Variants in ZBTB20 observed in about 807,000 individuals in gnomAD.
The protein encoded by ZBTB20 is zinc finger and BTB domain containing 20, also known as zinc finger and BTB domain-containing protein 20.
ZBTB20 carries 9 observed loss-of-function variants against 56.9 expected under a neutral mutation model. That is an observed-to-expected ratio of 0.16 (90% CI 0.10 to 0.28). The LOEUF (loss-of-function observed/expected upper bound fraction) is 0.28, where lower values mean the gene tolerates loss of function less well. Among genes scored for constraint, ZBTB20 ranks in the 10% least tolerant of loss-of-function variants. The pLI is 1.00. For synonymous variants in ZBTB20, 417 were observed against 420.7 expected (o/e 0.99, Z 0.11); for missense variants, 655 against 1,003.0 (o/e 0.65, Z 4.69).
intron 2 of ZBTB20, among the ~76,000 whole-genome samples, chr3:114,991,672 T>G (rs940623063): frequency 3.3e-5 from 5 of 152,146 alleles, no homozygotes; most frequent in African/African-American, 9.7e-5. Flanking sequence ...TAACTTTCTG[T>G]CTCGTTGATC....
intron 7 of ZBTB20, among the ~76,000 whole-genome samples, chr3:114,474,753 C>A (rs1283389789): frequency 1.3e-5 from 2 of 152,124 alleles, no homozygotes; most frequent in Non-Finnish European, 2.9e-5. Flanking sequence ...CTCCCTTGCT[C>A]CCCAAATATA....
At chr3:114,357,278 A>T (rs1197963651) in intron 10 of ZBTB20, 1 of 152,202 alleles carries the variant, frequency 6.6e-6, no homozygotes, top group African/African-American at 2.4e-5. Flanking sequence ...AATTTGCAGA[A>T]ATTTGACTTC....
At chr3:114,687,430 C>T (rs1243513818) in intron 6 of ZBTB20, 1 of 151,552 alleles carries the variant, frequency 6.6e-6, no homozygotes, top group Non-Finnish European at 1.5e-5. Flanking sequence ...TAGTGACAGG[C>T]GCCACAGGCA....
intron 7 of ZBTB20, among the ~76,000 whole-genome samples, chr3:114,424,801 C>A (rs1576695551): frequency 6.6e-6 from 1 of 152,104 alleles, no homozygotes; most frequent in South Asian, 2.1e-4. Flanking sequence ...AGGCATGGCA[C>A]ATCTTTTGTA....
At chr3:114,922,880 C>G (rs1353581101) in intron 3 of ZBTB20, among the ~76,000 whole-genome samples, 2 of 152,146 alleles carry the variant, frequency 1.3e-5, no homozygotes, top group Non-Finnish European at 2.9e-5. Context: ...CCCCCACGAT[C>G]AAACACCTCT....
intron 2 of ZBTB20, among the ~76,000 whole-genome samples, chr3:115,063,276 A>C (rs1347565491): frequency 6.6e-6 from 1 of 152,220 alleles, no homozygotes; most frequent in African/African-American, 2.4e-5. Flanking sequence ...AGACTTGGTT[A>C]AACAACAGAA....
At chr3:114,411,927 A>T (rs1401148684) in intron 7 of ZBTB20, among the ~76,000 whole-genome samples, 3 of 152,160 alleles carry the variant, frequency 2.0e-5, no homozygotes, top group African/African-American at 7.2e-5. Context: ...GAACATCTCC[A>T]CATGATATGG....
intron 2 of ZBTB20, among the ~76,000 whole-genome samples, chr3:115,007,881 C>T (rs1560486080): frequency 6.6e-6 from 1 of 151,854 alleles, no homozygotes. Context: ...TTGACAACTC[C>T]TTTCTTTCAA....
chr3:114,463,770 T>A (rs1210712518), intron 7 of ZBTB20, among the ~76,000 whole-genome samples: 2 of 152,222 alleles, frequency 1.3e-5, no homozygotes, highest in South Asian at 2.1e-4. Flanking sequence ...CAAATTATTA[T>A]TGCTTGAATT....
chr3:114,350,684 G>C lies in ZBTB20; in HGVS notation c.1394C>G (p.Ser465Cys). 6.2e-7 allele frequency: 1 copy of C among 1,614,218 alleles called. No individual in the cohort carries two copies. Among genetic ancestry groups the C allele is most frequent in the South Asian group, 1.1e-5 (1 of 91,084 alleles). ...GGTACTTGGCAATGGCTGCCCGATG[G>C]ACGTGTTGACCGAAGGCTGTTGTAG... ...SVLQQPSVNTSIGQPLPSTQL... is the reference protein window; with the variant it reads ...SVLQQPSVNTCIGQPLPSTQL... The change falls in exon 11 of 12, where the codon TCC becomes TGC. Residue 465 changes from serine to cysteine, a missense_variant. Ser to Cys is a moderately radical substitution (Grantham distance 112, BLOSUM62 -1). This residue lies in a region of ZBTB20 where 156 missense variants were observed against 181.0 expected (regional missense o/e 0.86). Coordinates refer to ENST00000675478, the MANE Select transcript of ZBTB20 (RefSeq NM_001348800.3).
intron 1 of ZBTB20, among the ~76,000 whole-genome samples, chr3:115,120,974 G>A (rs569494317): frequency 3.9e-5 from 6 of 152,152 alleles, no homozygotes; most frequent in Non-Finnish European, 5.9e-5. Context: ...ATTTGAAAAG[G>A]AATTAAATTT....
At chr3:114,828,335 C>G (rs2073660404) in intron 4 of ZBTB20, among the ~76,000 whole-genome samples, 1 of 151,712 alleles carries the variant, frequency 6.6e-6, no homozygotes, top group South Asian at 2.1e-4. Context: ...ATTTTAATCT[C>G]TACACCATAT....
chr3:114,839,092 C>T (rs936618045), intron 4 of ZBTB20, among the ~76,000 whole-genome samples: 8 of 152,128 alleles, frequency 5.3e-5, no homozygotes, highest in African/African-American at 1.2e-4. Context: ...ATTAGCAAAA[C>T]TTTGACCATT....
At chr3:114,355,451 G>A (rs1032358745) in intron 10 of ZBTB20, among the ~76,000 whole-genome samples, 3 of 152,180 alleles carry the variant, frequency 2.0e-5, no homozygotes, top group African/African-American at 7.2e-5. Context: ...AAGCTGAATC[G>A]TTTTTGCTGA....
At chr3:114,990,195 A>G (rs2108144300) in intron 2 of ZBTB20, among the ~76,000 whole-genome samples, 1 of 152,246 alleles carries the variant, frequency 6.6e-6, no homozygotes, top group South Asian at 2.1e-4. Flanking sequence ...TTCAAAGGGA[A>G]TGCTTCCAGT....
At chr3:114,429,519 G>T (rs1349348030) in intron 7 of ZBTB20, among the ~76,000 whole-genome samples, 1 of 152,068 alleles carries the variant, frequency 6.6e-6, no homozygotes, top group African/African-American at 2.4e-5. Flanking sequence ...AGCTCTCTAG[G>T]CATTGCTGCT....
At chr3:114,874,463 G>A (rs2076121455) in intron 4 of ZBTB20, among the ~76,000 whole-genome samples, 1 of 152,172 alleles carries the variant, frequency 6.6e-6, no homozygotes, top group Non-Finnish European at 1.5e-5. Flanking sequence ...AAGTCACACA[G>A]CTTAATAAGC....
intron 4 of ZBTB20, among the ~76,000 whole-genome samples, 185 bp downstream of exon 4, chr3:114,900,118 TA>T (rs2075048535): frequency 6.6e-6 from 1 of 152,124 alleles, no homozygotes; most frequent in African/African-American, 2.4e-5. Context: ...ACTTGATTCT[TA>T]CAATAGAATA....
intron 7 of ZBTB20, among the ~76,000 whole-genome samples, chr3:114,416,939 T>C (rs894122002): frequency 6.6e-6 from 1 of 152,114 alleles, no homozygotes; most frequent in Admixed American, 6.6e-5. Flanking sequence ...TTAATACCTT[T>C]GGTGATTCAT....
Sources: gnomAD v4.1 joint callset for allele counts (sites outside exome capture counted in the v4.1 genomes callset) on GRCh38, gnomAD v4.1.1 for gene constraint, gnomAD v4.1.1 regional missense constraint, MANE v1.5 for transcripts, NCBI Gene and HGNC (gene_info 2026-07-23, HGNC 2026-07-21) for gene names.